Variants in NRXN3 observed in about 807,000 individuals in gnomAD.
NRXN3 encodes neurexin III.
A neutral mutation model predicts 137.6 loss-of-function variants in NRXN3; 32 were observed. The observed-to-expected ratio is 0.23, with a 90% CI of 0.18 to 0.31. NRXN3 has a LOEUF of 0.31. Ranked by LOEUF, NRXN3 falls within the 10% of genes least tolerant of loss-of-function variation. The probability of loss-of-function intolerance (pLI) is 1.00; values close to 1 mark genes in which losing one functional copy is unlikely to be tolerated. For missense variants in NRXN3, 1,574 were observed against 2,062.5 expected (o/e 0.76, Z 4.59); for synonymous variants, 798 against 784.5 (o/e 1.02, Z -0.29).
intron 2 of NRXN3, among the ~76,000 whole-genome samples, chr14:78,254,369 T>C (rs2069145280): frequency 6.6e-6 from 1 of 152,132 alleles, no homozygotes; most frequent in Non-Finnish European, 1.5e-5. Flanking sequence ...TTCCTGGAAA[T>C]CCTGAATTTC....
chr14:79,745,425 C>G (rs1242467184), intron 19 of NRXN3, among the ~76,000 whole-genome samples: 9 of 152,134 alleles, frequency 5.9e-5, no homozygotes, highest in Admixed American at 5.9e-4. Flanking sequence ...AGGATTAAAT[C>G]ATATGTTCAT....
intron 14 of NRXN3, among the ~76,000 whole-genome samples, chr14:78,973,959 T>C (rs1391624414): frequency 6.6e-6 from 1 of 152,192 alleles, no homozygotes; most frequent in Non-Finnish European, 1.5e-5. Context: ...CGCCTATCTA[T>C]CCAGAATACA....
intron 4 of NRXN3, among the ~76,000 whole-genome samples, chr14:78,330,266 C>G (rs17107357): frequency 0.15 from 22,551 of 152,112 alleles, 1,865 homozygotes; most frequent in East Asian, 0.38. Flanking sequence ...CACCTTGACC[C>G]TAAGAGATTT....
rs537430795 is a variant in NRXN3 at position 78,364,566 on chromosome 14, TACATGTG to T, written c.757+66707_757+66713del. Reference sequence around the variant, plus strand: ...TTCAAATAATCTGATGTCAGATGTATACATGTGTCAGATGGATACATGTGTCATACGT... The same window carrying T: ...TTCAAATAATCTGATGTCAGATGTATTCAGATGGATACATGTGTCATACGT... On this transcript the variant is annotated intron_variant, in intron 4 of 20. Coordinates refer to ENST00000335750, the MANE Select transcript of NRXN3 (RefSeq NM_001330195.2). 1.1e-4 allele frequency among the ~76,000 whole-genome samples: 17 copies of T among 152,344 alleles called. No homozygotes were observed. In the East Asian group the frequency reaches 3.3e-3, roughly 29 times the overall value.
At chr14:78,843,001 A>G (rs1300503514) in intron 10 of NRXN3, among the ~76,000 whole-genome samples, 1 of 152,092 alleles carries the variant, frequency 6.6e-6, no homozygotes, top group African/African-American at 2.4e-5. Flanking sequence ...AGTTAGTGCA[A>G]TCATCACAGG....
intron 4 of NRXN3, among the ~76,000 whole-genome samples, chr14:78,488,789 A>T (rs80048399): frequency 0.011 from 1,568 of 143,622 alleles, 16 homozygotes; most frequent in Non-Finnish European, 0.018. Context: ...GGGGAGGGGG[A>T]GGAGAAGGGA....
At chr14:79,527,781 G>A (rs1183410411) in intron 16 of NRXN3, among the ~76,000 whole-genome samples, 1 of 150,808 alleles carries the variant, frequency 6.6e-6, no homozygotes, top group East Asian at 2.0e-4. Context: ...TGAGGCAGGA[G>A]AATCGCTTCA....
At position 78,709,406 on chromosome 14, in the gene NRXN3, A is replaced by G. The variant is rs776720655; in HGVS notation, c.1411A>G (p.Ile471Val). 2 of 1,614,132 alleles carry G rather than the reference A, an allele frequency of 1.2e-6. No homozygotes were observed. The highest frequency in any genetic ancestry group is 1.7e-6 in the Non-Finnish European group (2 of 1,180,002). ...GTGGAACACTAAACGTATGGGCTCC[A>G]TCTCCTTTGACTTCCGCACCACAGA... is the stretch of plus-strand genomic sequence containing the variant. ...PKWNTKRMGS[I>V]SFDFRTTEPN... Residue 471 changes from isoleucine (I) to valine (V), a missense_variant, in exon 7 of 21, where the codon ATC becomes GTC. This residue lies in a region of NRXN3 where 718 missense variants were observed against 887.6 expected (regional missense o/e 0.81). Transcript: ENST00000335750.
Position 78,243,043 on chromosome 14 carries a change from G to C in NRXN3, c.-51G>C, listed in dbSNP as rs866975246. 7.5e-7 allele frequency: 1 copy of C among 1,335,458 alleles called. No homozygotes were observed. Among genetic ancestry groups the C allele is most frequent in the African/African-American group, 1.5e-5 (1 of 67,942 alleles). 82.7% of individuals were successfully genotyped at this position (1,335,458 alleles called of 1,614,324 possible). On this transcript the variant is annotated 5_prime_UTR_variant, in exon 2 of 21. Transcript: ENST00000335750. The surrounding 1 kb of genome is among the most constrained non-coding windows in gnomAD (Gnocchi z 4.2). ...ATTGCCAAAGGGAGAGATCCTCTCC[G>C]GGCTGTTCCCTGGCCTGTCTGCTCC...
intron 10 of NRXN3, among the ~76,000 whole-genome samples, chr14:78,852,878 CTT>C (rs201617179): frequency 5.6e-5 from 8 of 142,352 alleles, no homozygotes; most frequent in Non-Finnish European, 3.1e-5. Context: ...TGGTTAGTTT[CTT>C]TTTTTTTTTT....
At chr14:78,277,192 A>G (rs1378318865) in intron 2 of NRXN3, among the ~76,000 whole-genome samples, 2 of 152,192 alleles carry the variant, frequency 1.3e-5, no homozygotes, top group Non-Finnish European at 2.9e-5. Context: ...AAGGGCCCTA[A>G]GGACACACTG....
At chr14:79,720,214 G>C (rs371010348) in intron 19 of NRXN3, among the ~76,000 whole-genome samples, 1 of 152,114 alleles carries the variant, frequency 6.6e-6, no homozygotes, top group Non-Finnish European at 1.5e-5. Context: ...GTGTGCAGGC[G>C]AGCTCCCATT....
intron 16 of NRXN3, among the ~76,000 whole-genome samples, chr14:79,621,898 G>C (rs1004346533): frequency 1.3e-5 from 2 of 152,144 alleles, no homozygotes; most frequent in Admixed American, 6.5e-5. Context: ...TTAAAGTATG[G>C]TTCTCTGACC....
intron 16 of NRXN3, among the ~76,000 whole-genome samples, chr14:79,531,875 GACATA>G (rs1444158723): frequency 2.0e-5 from 3 of 152,162 alleles, no homozygotes; most frequent in African/African-American, 7.2e-5. Flanking sequence ...TAAGGTAATA[GACATA>G]ACATATGATC....
intron 15 of NRXN3, among the ~76,000 whole-genome samples, chr14:79,410,436 AT>A (rs1299303456): frequency 6.6e-6 from 1 of 151,348 alleles, no homozygotes; most frequent in Non-Finnish European, 1.5e-5. Flanking sequence ...TAATTTATTA[AT>A]TTATATTGTC....
chr14:78,634,832 A>G (rs577171909), intron 4 of NRXN3, among the ~76,000 whole-genome samples: 61 of 152,276 alleles, frequency 4.0e-4, no homozygotes, highest in African/African-American at 1.3e-3. Flanking sequence ...CTATATAGCT[A>G]TGTGTATGTA....
chr14:78,909,928 TACCA>T (rs1194771565), intron 10 of NRXN3, among the ~76,000 whole-genome samples: 1 of 152,162 alleles, frequency 6.6e-6, no homozygotes, highest in Non-Finnish European at 1.5e-5. Context: ...TCCACCTACC[TACCA>T]ATCATTTATT....
rs1206691098 is a variant in NRXN3, at chr14:79,628,304, A to C, written c.3445-35474A>C. On this transcript the variant is annotated intron_variant, in intron 16 of 20. Transcript: ENST00000335750. The stretch of plus-strand genomic sequence containing the variant: ...TTTTGTCTTTCAAATTCTAACCCTG[A>C]GGATTTTTGCTAGGCACAAGTTAAG... Among the ~76,000 whole-genome samples the C allele has an allele frequency of 3.9e-5, 6 of 152,322 alleles. No homozygotes were observed. The East Asian group carries it at 1.2e-3, about 29-fold the overall frequency.
chr14:78,838,933 T>C (rs2099004538), intron 10 of NRXN3, among the ~76,000 whole-genome samples: 1 of 152,140 alleles, frequency 6.6e-6, no homozygotes, highest in African/African-American at 2.4e-5. Context: ...CTGTGCTTCA[T>C]ACCCTCTACT....
Sources: gnomAD v4.1 joint callset for allele counts (sites outside exome capture counted in the v4.1 genomes callset) on GRCh38, gnomAD v4.1.1 for gene constraint, gnomAD v4.1.1 regional missense constraint, Gnocchi (gnomAD v3.1) non-coding constraint, MANE v1.5 for transcripts, NCBI Gene and HGNC (gene_info 2026-07-23, HGNC 2026-07-21) for gene names.